The following TEN1 variants were observed in gnomAD, a reference collection of about 807,000 sequenced individuals.
The protein encoded by TEN1 is CST complex subunit TEN1.
A neutral mutation model predicts 9.3 loss-of-function variants in TEN1; 6 were observed. That is an observed-to-expected ratio of 0.65 (90% CI 0.35 to 1.27). TEN1 has a LOEUF of 1.27. Ranked by LOEUF, TEN1 falls within the 50% of genes most tolerant of loss-of-function variation. TEN1 has a pLI of 0.03. For missense variants in TEN1, 149 were observed against 158.2 expected, an observed-to-expected ratio of 0.94 and a Z score of 0.31; for synonymous variants, 65 against 65.6, an observed-to-expected ratio of 0.99 and a Z score of 0.04.
At chr17:75,990,049 G>T (rs1351293496) in intron 2 of TEN1, among the ~76,000 whole-genome samples, 1 of 147,468 alleles carries the variant, frequency 6.8e-6, no homozygotes, top group African/African-American at 2.5e-5. Flanking sequence ...GCCCAACCTA[G>T]ATTTTTTTTT....
chr17:75,990,050 AT>A (rs1014192071), intron 2 of TEN1, among the ~76,000 whole-genome samples: 130 of 136,340 alleles, frequency 9.5e-4, no homozygotes, highest in Non-Finnish European at 1.1e-3. Flanking sequence ...CCCAACCTAG[AT>A]TTTTTTTTTT....
intron 2 of TEN1, among the ~76,000 whole-genome samples, chr17:75,986,729 C>CAT (rs538570265): frequency 6.0e-5 from 9 of 150,576 alleles, no homozygotes; most frequent in Admixed American, 3.3e-4. Context: ...AATATATATA[C>CAT]ATATATATAT....
chr17:75,985,875 A>G (rs1176764024), intron 1 of TEN1, among the ~76,000 whole-genome samples: 2 of 109,876 alleles, frequency 1.8e-5, no homozygotes, highest in Non-Finnish European at 3.4e-5. Context: ...ATATCAAAAA[A>G]ATTTTTTCTT....
At chr17:75,982,306 C>T (rs1332101711) in intron 1 of TEN1, among the ~76,000 whole-genome samples, 1 of 152,186 alleles carries the variant, frequency 6.6e-6, no homozygotes, top group Non-Finnish European at 1.5e-5. Flanking sequence ...TAAAAATGTA[C>T]AATTTCCCCT....
chr17:75,987,147 T>C (rs1758565821), intron 2 of TEN1, among the ~76,000 whole-genome samples: 3 of 151,764 alleles, frequency 2.0e-5, no homozygotes, highest in Admixed American at 2.0e-4. Flanking sequence ...AAATAATTAT[T>C]GTCTCATAGT....
intron 3 of TEN1, among the ~76,000 whole-genome samples, chr17:75,997,704 C>G (rs1156317234): frequency 2.6e-5 from 4 of 152,156 alleles, no homozygotes; most frequent in African/African-American, 9.7e-5. Context: ...GTCTGACCTA[C>G]CTGCCCATGA....
At position 76,000,381 on chromosome 17, in the gene TEN1, G is replaced by A. The variant is rs1364123391; in HGVS notation, c.*119G>A. 49 of 1,382,152 alleles carry A rather than the reference G, an allele frequency of 3.5e-5. No individual in the cohort carries two copies. Among genetic ancestry groups the A allele is most frequent in the Non-Finnish European group, 4.2e-5 (44 of 1,045,294 alleles). The allele number at this position is 1,382,152 out of a possible 1,614,324, so 85.6% of individuals were successfully genotyped here. A position where few individuals can be genotyped will look rare whatever the true frequency, so the allele number is the denominator to read the frequency against. On this transcript the variant is annotated 3_prime_UTR_variant, in exon 4 of 4. Coordinates refer to ENST00000397640, the MANE Select transcript of TEN1 (RefSeq NM_001113324.3). This position sits in a 1 kb window ranked among gnomAD's most constrained non-coding sequence, Gnocchi z 5.9. Reference sequence around the variant, plus strand: ...CGGCCTTGTCTGGAGCTCGAAAGCCGAGGGGCGGGTGATGAATCCAGCCCC... The same window carrying A: ...CGGCCTTGTCTGGAGCTCGAAAGCCAAGGGGCGGGTGATGAATCCAGCCCC...
chr17:75,992,669 C>G lies in TEN1; in HGVS notation c.250+1046C>G, dbSNP rs142346253. On this transcript the variant is annotated intron_variant, in intron 3 of 3. Transcript: ENST00000397640. ...CTGGGACTATGGGCGCCCGCCACCA[C>G]GCCTGGCTAATTTTTTGTATTTTTA... is the stretch of plus-strand genomic sequence containing the variant. Among the ~76,000 whole-genome samples the G allele has an allele frequency of 3.3e-5, 5 of 151,928 alleles. No individual in the cohort carries two copies. In the East Asian group the frequency reaches 9.8e-4, roughly 30 times the overall value.
At chr17:75,984,006 C>T (rs753976039) in intron 1 of TEN1, among the ~76,000 whole-genome samples, 8 of 152,164 alleles carry the variant, frequency 5.3e-5, no homozygotes, top group Non-Finnish European at 7.3e-5. Context: ...TAGCAGAGTT[C>T]GGGCTTCTCT....
At chr17:75,982,699 T>TTTTATTTA (rs60755863) in intron 1 of TEN1, among the ~76,000 whole-genome samples, 2,026 of 150,986 alleles carry the variant, frequency 0.013, 23 homozygotes, top group South Asian at 0.032. Flanking sequence ...TTGATCATAG[T>TTTTATTTA]TTTATTTATT....
At chr17:75,990,819 A>AGATTTC (rs2066180236) in intron 2 of TEN1, among the ~76,000 whole-genome samples, 1 of 151,410 alleles carries the variant, frequency 6.6e-6, no homozygotes, top group Non-Finnish European at 1.5e-5. Flanking sequence ...AGGAAGAAAA[A>AGATTTC]GATTTCTTAG....
intron 2 of TEN1, 27 bp downstream of exon 2, chr17:75,986,311 T>TG (rs1364633676): frequency 6.6e-7 from 1 of 1,521,128 alleles, no homozygotes; most frequent in East Asian, 2.5e-5. Flanking sequence ...TTTTCACTGG[T>TG]GGGGGTGATG....
intron 2 of TEN1, among the ~76,000 whole-genome samples, chr17:75,991,143 C>A (rs2066182398): frequency 1.2e-5 from 1 of 86,730 alleles, no homozygotes; most frequent in Non-Finnish European, 2.0e-5. Context: ...AAGCGAGACT[C>A]CATCTCAAAA....
At chr17:75,998,815 C>T (rs1265893681) in intron 3 of TEN1, among the ~76,000 whole-genome samples, 1 of 152,202 alleles carries the variant, frequency 6.6e-6, no homozygotes, top group Admixed American at 6.5e-5. Flanking sequence ...CTCAGCCTCC[C>T]GAGTAGCTGG....
At chr17:75,992,449 C>T (rs62090061) in intron 3 of TEN1, among the ~76,000 whole-genome samples, 4 of 152,042 alleles carry the variant, frequency 2.6e-5, no homozygotes, top group Admixed American at 1.3e-4. Context: ...GAGGGATCTG[C>T]GTGCCTTGGC....
chr17:75,983,294 A>G (rs1449345176), intron 1 of TEN1, among the ~76,000 whole-genome samples: 1 of 152,106 alleles, frequency 6.6e-6, no homozygotes, highest in Non-Finnish European at 1.5e-5. Flanking sequence ...AAAGAAAGAA[A>G]GAAAGAAAGA....
At position 76,000,080 on chromosome 17, in the gene TEN1, T is replaced by C; in HGVS notation, c.251-61T>C. 2 of 1,531,258 alleles carry C rather than the reference T, an allele frequency of 1.3e-6. No individual in the cohort carries two copies. Among genetic ancestry groups the C allele is most frequent in the East Asian group, 4.9e-5 (2 of 40,534 alleles). 94.9% of individuals were successfully genotyped at this position (1,531,258 alleles called of 1,614,324 possible). A position where few individuals can be genotyped will look rare whatever the true frequency, so the allele number is the denominator to read the frequency against. ...GTGGAGGGAACAGCTGGAATGCACC[T>C]TGGAGGACGTTGTTGACACGCCGCT... On this transcript the variant is annotated intron_variant, in intron 3 of 3. Transcript: ENST00000397640. The surrounding 1 kb of genome is among the most constrained non-coding windows in gnomAD (Gnocchi z 5.9).
In TEN1 at chr17:75,991,633, A is replaced by G. The variant is rs2144355677; in HGVS notation, c.250+10A>G. On this transcript the variant is annotated intron_variant, in intron 3 of 3. Coordinates refer to ENST00000397640, the MANE Select transcript of TEN1 (RefSeq NM_001113324.3). Reference sequence around the variant, plus strand: ...CTCCAGCATCAGCAGGGTGAGCTGCAGCCTCAGATCCCCTTTCTCATCCTG... The same window carrying G: ...CTCCAGCATCAGCAGGGTGAGCTGCGGCCTCAGATCCCCTTTCTCATCCTG... 1 of 1,550,426 alleles carries G rather than the reference A, an allele frequency of 6.4e-7. No individual in the cohort carries two copies. The highest frequency in any genetic ancestry group is 8.7e-7 in the Non-Finnish European group (1 of 1,146,384).
intron 3 of TEN1, among the ~76,000 whole-genome samples, chr17:75,995,841 C>G (rs1009436220): frequency 6.6e-6 from 1 of 152,166 alleles, no homozygotes; most frequent in Admixed American, 6.6e-5. Context: ...GCTCACTAAT[C>G]TAGCATGTTC....
Sources: allele counts gnomAD v4.1 joint callset (sites outside exome capture counted in the v4.1 genomes callset), GRCh38; gene constraint gnomAD v4.1.1; non-coding constraint Gnocchi (gnomAD v3.1); transcripts MANE v1.5; gene names NCBI Gene and HGNC (gene_info 2026-07-23, HGNC 2026-07-21).